MYLK4: variants seen among roughly 807,000 people sequenced by gnomAD.
MYLK4 encodes myosin light chain kinase family member 4, also known as caMLCK like.
A neutral mutation model predicts 48.1 loss-of-function variants in MYLK4; 46 were observed. The observed-to-expected ratio is 0.96, with a 90% CI of 0.75 to 1.22. MYLK4 has a LOEUF of 1.22. Ranked by LOEUF, MYLK4 falls within the 50% of genes most tolerant of loss-of-function variation. MYLK4 has a pLI of 0.00. For missense variants in MYLK4, 451 were observed against 486.1 expected (o/e 0.93, Z 0.68); for synonymous variants, 170 against 180.8 (o/e 0.94, Z 0.48).
the MYLK4 span, chr6:2,770,057 C>T: frequency 1.2e-6 from 2 of 1,603,210 alleles, no homozygotes; most frequent in Middle Eastern, 1.7e-4. Context: ...AGCCAACTTA[C>T]ATAGGATTCT....
rs113512226 is a variant in MYLK4 at position 2,663,765 on chromosome 6, C to T, written c.*4160G>A. The T allele has an allele frequency of 2.9e-4, 45 of 152,672 alleles. No homozygotes were observed. The highest frequency in any genetic ancestry group is 1.1e-3 in the African/African-American group (44 of 41,530). 9.5% of individuals were successfully genotyped at this position (152,672 alleles called of 1,614,324 possible). A position where few individuals can be genotyped will look rare whatever the true frequency, so the allele number is the denominator to read the frequency against. ...TTAAAATATACATGATAGACACAAT[C>T]ACCACGTTATGAATCCTTTTTTTAA... On this transcript the variant is annotated 3_prime_UTR_variant, in exon 13 of 13. Coordinates refer to ENST00000274643, the MANE Select transcript of MYLK4 (RefSeq NM_001012418.5).
At chr6:2,770,159 C>T in the MYLK4 span, 1 of 1,614,236 alleles carries the variant, frequency 6.2e-7, no homozygotes, top group East Asian at 2.2e-5. Context: ...GACGATCACT[C>T]TGATTGGGGC....
At chr6:2,765,302 C>T in the MYLK4 span, 2 of 186,196 alleles carry the variant, frequency 1.1e-5, no homozygotes, top group Admixed American at 1.3e-4. Flanking sequence ...GCGAGGTATT[C>T]TCGGCGGTGA....
rs187856459 is a variant in MYLK4 at position 2,689,026 on chromosome 6, C to A, written c.236-70G>T. On this transcript the variant is annotated intron_variant, in intron 3 of 12. Coordinates refer to ENST00000274643, the MANE Select transcript of MYLK4 (RefSeq NM_001012418.5). ...ACCTCGTTAAGGCAGCAAGCCTGGGCCTCATAGTAAAAATGTGCTCATTTA... is the reference window on the plus strand; with the variant it reads ...ACCTCGTTAAGGCAGCAAGCCTGGGACTCATAGTAAAAATGTGCTCATTTA... 1.2e-4 allele frequency: 140 copies of A among 1,211,494 alleles called. No individual in the cohort carries two copies. In the African/African-American group the frequency reaches 1.9e-3, roughly 16 times the overall value. The allele number at this position is 1,211,494 out of a possible 1,614,324, so 75.0% of individuals were successfully genotyped here.
chr6:2,733,973 T>G (rs1039860736), intron 2 of MYLK4, among the ~76,000 whole-genome samples: 6 of 152,058 alleles, frequency 3.9e-5, no homozygotes, highest in African/African-American at 1.4e-4. Context: ...TCCCAAAACT[T>G]GCTCAAAGTC....
upstream of MYLK4, among the ~76,000 whole-genome samples, chr6:2,752,393 T>G (rs538181137): frequency 1.3e-3 from 186 of 143,890 alleles, no homozygotes; most frequent in African/African-American, 4.8e-3. Context: ...TGTTGCTGGG[T>G]TTTTTTTTTC....
intron 12 of MYLK4, among the ~76,000 whole-genome samples, chr6:2,670,301 G>A (rs192231631): frequency 6.6e-6 from 1 of 152,278 alleles, no homozygotes; most frequent in Admixed American, 6.5e-5. Flanking sequence ...GGGAGGTGGG[G>A]GTTGCAGTGA....
intron 2 of MYLK4, among the ~76,000 whole-genome samples, chr6:2,704,299 G>T (rs1253043911): frequency 3.9e-5 from 6 of 152,158 alleles, no homozygotes; most frequent in African/African-American, 1.4e-4. Flanking sequence ...TTGATGTCCA[G>T]CTCCCAGACT....
chr6:2,669,785 T>C (rs1312201397), intron 12 of MYLK4, among the ~76,000 whole-genome samples: 1 of 152,196 alleles, frequency 6.6e-6, no homozygotes, highest in Non-Finnish European at 1.5e-5. Flanking sequence ...GAGACTTTCA[T>C]GTCCTTGCTG....
chr6:2,765,458 T>A, the MYLK4 span: 1 of 837,338 alleles, frequency 1.2e-6, no homozygotes, highest in Non-Finnish European at 1.6e-6. Flanking sequence ...ACGCGGGAGC[T>A]GCGGACGTGA....
intron 2 of MYLK4, among the ~76,000 whole-genome samples, chr6:2,719,829 G>T (rs1201984923): frequency 1.3e-5 from 2 of 152,178 alleles, no homozygotes; most frequent in Non-Finnish European, 2.9e-5. Flanking sequence ...TCAACAAGCA[G>T]CATTTGTCAT....
intron 2 of MYLK4, among the ~76,000 whole-genome samples, chr6:2,739,604 A>G (rs960039946): frequency 2.0e-5 from 3 of 152,202 alleles, no homozygotes; most frequent in South Asian, 2.1e-4. Context: ...CTGGTATCCA[A>G]TTGAGCACAT....
intron 1 of MYLK4, among the ~76,000 whole-genome samples, 184 bp from the exon 2 acceptor site, chr6:2,749,590 A>T (rs2057547): frequency 0.99 from 151,479 of 152,244 alleles, 75,365 homozygotes; most frequent in Middle Eastern, 1. Flanking sequence ...AGGAAAAAAA[A>T]TTTTTTCACT....
intron 8 of MYLK4, 61 bp from the exon 9 acceptor site, chr6:2,679,469 A>T: frequency 2.5e-6 from 4 of 1,594,656 alleles, no homozygotes; most frequent in Non-Finnish European, 3.4e-6. Flanking sequence ...TGAACACTGA[A>T]ATGATGTAGT....
intron 2 of MYLK4, among the ~76,000 whole-genome samples, chr6:2,721,172 A>C (rs752544183): frequency 1.1e-4 from 17 of 152,140 alleles, no homozygotes; most frequent in Non-Finnish European, 1.6e-4. Flanking sequence ...AAAATAAATA[A>C]ATACATAAAT....
chr6:2,742,436 C>T (rs1763928392), intron 2 of MYLK4, among the ~76,000 whole-genome samples: 1 of 151,784 alleles, frequency 6.6e-6, no homozygotes, highest in Non-Finnish European at 1.5e-5. Context: ...TACTGTGGCA[C>T]TATTCACAAT....
At chr6:2,694,500 G>A (rs1217876605) in intron 2 of MYLK4, among the ~76,000 whole-genome samples, 10 of 60,266 alleles carry the variant, frequency 1.7e-4, no homozygotes, top group South Asian at 6.2e-4. Context: ...CATGGTGGTG[G>A]TGGTGGTGGT....
chr6:2,753,823 ACAT>A (rs1764356644), upstream of MYLK4, among the ~76,000 whole-genome samples: 1 of 152,166 alleles, frequency 6.6e-6, no homozygotes, highest in Admixed American at 6.5e-5. Context: ...CCACAAGGAA[ACAT>A]CATTTCACAC....
chr6:2,706,350 CTTTT>C (rs11340237), intron 2 of MYLK4, among the ~76,000 whole-genome samples: 2 of 146,290 alleles, frequency 1.4e-5, no homozygotes, highest in Non-Finnish European at 3.0e-5. Context: ...TCTAAAGTGA[CTTTT>C]TTTTTTTCCA....
Sources: gnomAD v4.1 joint callset for allele counts (sites outside exome capture counted in the v4.1 genomes callset) on GRCh38, gnomAD v4.1.1 for gene constraint, MANE v1.5 for transcripts, NCBI Gene and HGNC (gene_info 2026-07-23, HGNC 2026-07-21) for gene names.